LRP1B: variants seen among roughly 807,000 people sequenced by gnomAD.
The protein encoded by LRP1B is low-density lipoprotein receptor-related protein 1B.
Under a neutral mutation model 556.6 loss-of-function variants are expected in LRP1B, and 217 were observed. The observed-to-expected ratio is 0.39, with a 90% CI of 0.35 to 0.44. The LOEUF (loss-of-function observed/expected upper bound fraction) is 0.44, where lower values mean the gene tolerates loss of function less well. Ranked by LOEUF, LRP1B falls within the 20% of genes least tolerant of loss-of-function variation. The pLI, the probability that LRP1B is intolerant of heterozygous loss-of-function variation, is 1.00. For missense variants in LRP1B, 5,053 were observed against 5,620.8 expected, an observed-to-expected ratio of 0.90 and a Z score of 3.23; for synonymous variants, 2,047 against 1,865.8, an observed-to-expected ratio of 1.10 and a Z score of -2.50.
At chr2:140,723,793 A>C (rs961786599) in intron 35 of LRP1B, among the ~76,000 whole-genome samples, 1 of 152,238 alleles carries the variant, frequency 6.6e-6, no homozygotes, top group African/African-American at 2.4e-5. Context: ...GTCGGATAGC[A>C]AAAAGTATAT....
intron 7 of LRP1B, among the ~76,000 whole-genome samples, chr2:141,150,523 T>C (rs1431080785): frequency 6.6e-6 from 1 of 152,212 alleles, no homozygotes; most frequent in East Asian, 1.9e-4. Context: ...ATTTTTGGAT[T>C]GGAGAAAGTA....
intron 3 of LRP1B, among the ~76,000 whole-genome samples, chr2:141,307,610 T>C (rs1461907325): frequency 2.0e-5 from 3 of 152,118 alleles, no homozygotes; most frequent in Non-Finnish European, 4.4e-5. Flanking sequence ...CCTGTTTACA[T>C]CCAAGGTTAG....
At chr2:141,225,944 T>G (rs1683228817) in intron 6 of LRP1B, among the ~76,000 whole-genome samples, 1 of 152,150 alleles carries the variant, frequency 6.6e-6, no homozygotes, top group Non-Finnish European at 1.5e-5. Flanking sequence ...GGCCTGTCTT[T>G]GTAAGCCAAC....
At chr2:141,627,290 G>C (rs1325247891) in intron 2 of LRP1B, among the ~76,000 whole-genome samples, 3 of 152,218 alleles carry the variant, frequency 2.0e-5, no homozygotes, top group African/African-American at 7.2e-5. Context: ...GAGTTAAGGG[G>C]AAGGGAGGAA....
chr2:141,101,392 G>A (rs1700457614), intron 7 of LRP1B, among the ~76,000 whole-genome samples: 1 of 152,046 alleles, frequency 6.6e-6, no homozygotes, highest in African/African-American at 2.4e-5. Context: ...CTATTATACT[G>A]AATAAAGGGA....
intron 2 of LRP1B, among the ~76,000 whole-genome samples, chr2:141,533,496 G>C (rs1468598886): frequency 6.6e-6 from 1 of 152,178 alleles, no homozygotes. Context: ...CATGTACTTG[G>C]TAAGCCAATT....
At chr2:141,415,045 T>C (rs143195145) in intron 3 of LRP1B, among the ~76,000 whole-genome samples, 8,799 of 152,236 alleles carry the variant, frequency 0.058, 313 homozygotes, top group South Asian at 0.14. Flanking sequence ...GACGGAGTCT[T>C]GCTCTGTCAC....
intron 4 of LRP1B, among the ~76,000 whole-genome samples, chr2:141,250,387 T>TA (rs1396187639): frequency 2.6e-5 from 4 of 151,950 alleles, no homozygotes; most frequent in Non-Finnish European, 5.9e-5. Context: ...GGGGTTGGGC[T>TA]AAAAAATAAC....
At chr2:141,700,581 G>A (rs1311875034) in intron 2 of LRP1B, among the ~76,000 whole-genome samples, 2 of 151,712 alleles carry the variant, frequency 1.3e-5, no homozygotes, top group Admixed American at 6.6e-5. Context: ...GGCCTCAGAA[G>A]CAAAAGGTTT....
chr2:140,834,846 T>C (rs1328846140), intron 31 of LRP1B, among the ~76,000 whole-genome samples: 1 of 152,218 alleles, frequency 6.6e-6, no homozygotes, highest in Non-Finnish European at 1.5e-5. Flanking sequence ...GAAAGTTCTC[T>C]TTCAGATGTC....
intron 43 of LRP1B, among the ~76,000 whole-genome samples, chr2:140,585,227 T>C (rs1454962833): frequency 6.6e-6 from 1 of 152,102 alleles, no homozygotes; most frequent in Non-Finnish European, 1.5e-5. Context: ...TTTACAAGAA[T>C]TAACGTTTTA....
At chr2:140,553,590 C>T (rs1373655265) in intron 43 of LRP1B, among the ~76,000 whole-genome samples, 1 of 152,090 alleles carries the variant, frequency 6.6e-6, no homozygotes, top group African/African-American at 2.4e-5. Flanking sequence ...CTCTGAGCTT[C>T]TCAGTATACC....
At chr2:141,153,536 A>C (rs1375412736) in intron 7 of LRP1B, among the ~76,000 whole-genome samples, 3 of 126,176 alleles carry the variant, frequency 2.4e-5, no homozygotes, top group African/African-American at 9.3e-5. Context: ...ATTTATATAT[A>C]ATATATTATA....
intron 43 of LRP1B, among the ~76,000 whole-genome samples, chr2:140,582,303 G>A (rs1242738644): frequency 6.6e-6 from 1 of 152,102 alleles, no homozygotes; most frequent in Non-Finnish European, 1.5e-5. Flanking sequence ...TTGGGGTTAG[G>A]CATCACTATC....
intron 2 of LRP1B, among the ~76,000 whole-genome samples, chr2:141,483,745 G>C (rs1233563887): frequency 1.3e-5 from 2 of 151,804 alleles, no homozygotes; most frequent in Non-Finnish European, 1.5e-5. Flanking sequence ...GTGTTTTTTG[G>C]CTGCATAAAT....
At chr2:141,578,073 G>A (rs1686818942) in intron 2 of LRP1B, among the ~76,000 whole-genome samples, 1 of 152,064 alleles carries the variant, frequency 6.6e-6, no homozygotes, top group Non-Finnish European at 1.5e-5. Flanking sequence ...GGAAAAAATA[G>A]ATCATCTACT....
At chr2:140,408,296 C>G (rs1398048964) in intron 66 of LRP1B, among the ~76,000 whole-genome samples, 1 of 151,580 alleles carries the variant, frequency 6.6e-6, no homozygotes, top group Non-Finnish European at 1.5e-5. Context: ...TCCATTTAAT[C>G]AAAAAACCAC....
At chr2:141,443,711 T>C (rs1681073667) in intron 3 of LRP1B, among the ~76,000 whole-genome samples, 1 of 152,186 alleles carries the variant, frequency 6.6e-6, no homozygotes, top group African/African-American at 2.4e-5. Flanking sequence ...CTTGTTTTTG[T>C]CAGGTTTGTC....
intron 87 of LRP1B, among the ~76,000 whole-genome samples, chr2:140,243,582 C>T (rs1681038980): frequency 6.6e-6 from 1 of 151,132 alleles, no homozygotes; most frequent in Admixed American, 6.6e-5. Flanking sequence ...AAATTAGCAT[C>T]CTTTCTCTTA....
Sources: gnomAD v4.1 joint callset for allele counts (sites outside exome capture counted in the v4.1 genomes callset) on GRCh38, gnomAD v4.1.1 for gene constraint, MANE v1.5 for transcripts, NCBI Gene and HGNC (gene_info 2026-07-23, HGNC 2026-07-21) for gene names.